The following DLGAP2 variants were observed in gnomAD, a reference collection of about 807,000 sequenced individuals.
The protein encoded by DLGAP2 is disks large-associated protein 2.
Under a neutral mutation model 100.3 loss-of-function variants are expected in DLGAP2, and 26 were observed. The observed-to-expected ratio is 0.26, with a 90% CI of 0.19 to 0.36. The LOEUF (loss-of-function observed/expected upper bound fraction) is 0.36, where lower values mean the gene tolerates loss of function less well. DLGAP2 is among the 10% of genes least tolerant of loss of function. The pLI is 1.00. For synonymous variants in DLGAP2, 886 were observed against 630.1 expected (o/e 1.41, Z -6.08); for missense variants, 1,858 against 1,453.2 (o/e 1.28, Z -4.53).
intron 3 of DLGAP2, among the ~76,000 whole-genome samples, chr8:1,283,573 T>G (rs1226783425): frequency 6.6e-6 from 1 of 152,212 alleles, no homozygotes; most frequent in African/African-American, 2.4e-5. Context: ...TAATTTCCAG[T>G]TTTCTATTTG....
intron 3 of DLGAP2, among the ~76,000 whole-genome samples, chr8:1,293,258 G>A (rs1444048524): frequency 3.3e-5 from 5 of 152,154 alleles, no homozygotes; most frequent in Admixed American, 6.5e-5. Context: ...TCCCTCTCCT[G>A]GTGCAGTGCA....
At chr8:1,459,233 G>A (rs200830941) in intron 3 of DLGAP2, among the ~76,000 whole-genome samples, 4 of 123,954 alleles carry the variant, frequency 3.2e-5, no homozygotes, top group Non-Finnish European at 7.1e-5. Flanking sequence ...ACCAGCGTGC[G>A]TCCCAGACAG....
intron 2 of DLGAP2, among the ~76,000 whole-genome samples, chr8:955,369 C>T (rs573344120): frequency 6.6e-6 from 1 of 152,222 alleles, no homozygotes; most frequent in South Asian, 2.1e-4. Flanking sequence ...GCAGGTGCGT[C>T]GCTCTGTTTC....
intron 1 of DLGAP2, among the ~76,000 whole-genome samples, chr8:808,905 C>CTTTT (rs539422380): frequency 2.3e-5 from 3 of 130,416 alleles, no homozygotes; most frequent in Admixed American, 8.0e-5. Flanking sequence ...CTGTTGCTGC[C>CTTTT]TTTTTTTTTT....
intron 2 of DLGAP2, among the ~76,000 whole-genome samples, chr8:1,021,087 T>A (rs1801611087): frequency 6.6e-6 from 1 of 152,210 alleles, no homozygotes; most frequent in South Asian, 2.1e-4. Context: ...TAGCCCACAG[T>A]TTTGTTCCTA....
chr8:922,414 C>A (rs1798733657), intron 2 of DLGAP2, among the ~76,000 whole-genome samples: 1 of 152,106 alleles, frequency 6.6e-6, no homozygotes, highest in African/African-American at 2.4e-5. Context: ...TTAATATTTG[C>A]CCCCAAAATT....
intron 2 of DLGAP2, among the ~76,000 whole-genome samples, chr8:1,252,850 A>T (rs1037010232): frequency 2.0e-5 from 3 of 152,296 alleles, no homozygotes; most frequent in Admixed American, 2.0e-4. Flanking sequence ...GGAGACTTGG[A>T]AGAGGAAAGA....
intron 1 of DLGAP2, among the ~76,000 whole-genome samples, chr8:898,383 G>A (rs981070787): frequency 2.6e-5 from 4 of 152,192 alleles, no homozygotes; most frequent in African/African-American, 9.7e-5. Flanking sequence ...GCACCCTGGC[G>A]TGGTCCCTGG....
At chr8:1,576,536 C>T (rs1411747826) in intron 6 of DLGAP2, among the ~76,000 whole-genome samples, 1 of 152,166 alleles carries the variant, frequency 6.6e-6, no homozygotes, top group Non-Finnish European at 1.5e-5. Flanking sequence ...CACATGAAGT[C>T]CTTGCCCATG....
chr8:1,259,704 C>G (rs1799306380), intron 3 of DLGAP2: 1 of 152,166 alleles, frequency 6.6e-6, no homozygotes, highest in South Asian at 2.1e-4. Flanking sequence ...ACGTGTGACT[C>G]TAAAAGCCGA....
At chr8:997,461 A>T (rs540376853) in intron 2 of DLGAP2, among the ~76,000 whole-genome samples, 1 of 152,340 alleles carries the variant, frequency 6.6e-6, no homozygotes, top group African/African-American at 2.4e-5. Context: ...ACAACAACTG[A>T]TCACAAAGCC....
rs530809916 is a variant in DLGAP2, at chr8:1,568,640, G to C, written c.1442+2746G>C. On this transcript the variant is annotated intron_variant, in intron 6 of 14. Transcript: ENST00000637795. ...ACTCAGCAGACACAAATCCGTCTCT[G>C]CCCGTGGCCCCCATGCCACTGTCCA... Among the ~76,000 whole-genome samples, 49 of 125,744 alleles carry C rather than the reference G, an allele frequency of 3.9e-4. 1 individual carries two copies. In the South Asian group the frequency reaches 9.8e-3, roughly 25 times the overall value. 82.5% of individuals were successfully genotyped at this position (125,744 alleles called of 152,430 possible).
At chr8:1,326,145 A>C (rs1163775943) in intron 3 of DLGAP2, among the ~76,000 whole-genome samples, 1 of 152,134 alleles carries the variant, frequency 6.6e-6, no homozygotes, top group Non-Finnish European at 1.5e-5. Context: ...TTTGCTCCTT[A>C]ATGCTATTTT....
intron 2 of DLGAP2, among the ~76,000 whole-genome samples, chr8:1,011,143 A>C (rs1183852928): frequency 1.3e-5 from 2 of 150,572 alleles, no homozygotes; most frequent in Non-Finnish European, 2.9e-5. Flanking sequence ...CAGTCTACAC[A>C]GTGAGCTCTG....
rs150286938 is a variant in DLGAP2, at chr8:1,306,235, C to A, written c.106+47352C>A. On this transcript the variant is annotated intron_variant, in intron 3 of 14. Transcript: ENST00000637795. Reference sequence around the variant, plus strand: ...CTACACAAGGGTATAAAAAAGGATTCAGCAAAGTGTCTGCATACAAAATTA... The same window carrying A: ...CTACACAAGGGTATAAAAAAGGATTAAGCAAAGTGTCTGCATACAAAATTA... Among the ~76,000 whole-genome samples the A allele has an allele frequency of 1.1e-3, 161 of 152,136 alleles. 3 individuals are homozygous for A. The highest frequency in any genetic ancestry group is 2.1e-4 in the South Asian group (1 of 4,820).
In DLGAP2 at chr8:1,256,141, C is replaced by A. The variant is rs575859294; in HGVS notation, c.74-2710C>A. 3.9e-5 allele frequency among the ~76,000 whole-genome samples: 5 copies of A among 127,250 alleles called. No individual in the cohort carries two copies. In the South Asian group the frequency reaches 1.3e-3, roughly 34 times the overall value. 83.5% of individuals were successfully genotyped at this position (127,250 alleles called of 152,430 possible). A position where few individuals can be genotyped will look rare whatever the true frequency, so the allele number is the denominator to read the frequency against. ...CCTGCCTGGGTGCTTTCTGTGTCCT[C>A]TCATGCCTGGGTGCTGTGTGTGTGT... is the stretch of plus-strand genomic sequence containing the variant. On this transcript the variant is annotated intron_variant, in intron 2 of 14. Transcript: ENST00000637795.
At chr8:1,295,567 G>T (rs550075046) in intron 3 of DLGAP2, among the ~76,000 whole-genome samples, 3 of 152,194 alleles carry the variant, frequency 2.0e-5, no homozygotes, top group Non-Finnish European at 4.4e-5. Context: ...GTCAGCCCCC[G>T]CTCCTGGAAA....
At chr8:1,230,442 G>T (rs560967107) in intron 2 of DLGAP2, among the ~76,000 whole-genome samples, 1 of 152,022 alleles carries the variant, frequency 6.6e-6, no homozygotes, top group Non-Finnish European at 1.5e-5. Flanking sequence ...TGCCCAAAGC[G>T]ATCTACAGAT....
chr8:1,641,783 G>C (rs1797906445), intron 8 of DLGAP2, among the ~76,000 whole-genome samples: 1 of 152,126 alleles, frequency 6.6e-6, no homozygotes, highest in Non-Finnish European at 1.5e-5. Flanking sequence ...ATTGATGCTT[G>C]CATAAGTCAG....
Sources: gnomAD v4.1 joint callset for allele counts (sites outside exome capture counted in the v4.1 genomes callset) on GRCh38, gnomAD v4.1.1 for gene constraint, MANE v1.5 for transcripts, NCBI Gene and HGNC (gene_info 2026-07-23, HGNC 2026-07-21) for gene names.